Variants in SPIN1 observed in about 807,000 individuals in gnomAD.
SPIN1 encodes the protein spindlin 1.
Under a neutral mutation model 26.0 loss-of-function variants are expected in SPIN1, and 3 were observed. That is an observed-to-expected ratio of 0.12 (90% CI 0.05 to 0.30). The LOEUF is 0.30. Ranked by LOEUF, SPIN1 falls within the 10% of genes least tolerant of loss-of-function variation. The probability of loss-of-function intolerance (pLI) is 1.00; values close to 1 mark genes in which losing one functional copy is unlikely to be tolerated. For synonymous variants in SPIN1, 101 were observed against 116.5 expected (o/e 0.87, Z 0.86); for missense variants, 126 against 333.4 (o/e 0.38, Z 4.84).
intron 2 of SPIN1, among the ~76,000 whole-genome samples, chr9:88,441,414 T>TGCGCGC (rs1554695424): frequency 1.4e-5 from 2 of 141,240 alleles, no homozygotes; most frequent in African/African-American, 2.9e-5. Flanking sequence ...TGTGTGTGTG[T>TGCGCGC]GCGCGCGCGC....
intron 1 of SPIN1, among the ~76,000 whole-genome samples, chr9:88,422,386 A>G (rs1827687369): frequency 6.6e-6 from 1 of 152,248 alleles, no homozygotes. Flanking sequence ...CTTAAGGTGA[A>G]GATGGTATAT....
At chr9:88,455,536 G>A (rs1828453667) in intron 3 of SPIN1, among the ~76,000 whole-genome samples, 1 of 152,192 alleles carries the variant, frequency 6.6e-6, no homozygotes, top group Non-Finnish European at 1.5e-5. Context: ...TAGGTAAACA[G>A]AGAAAGAAAA....
intron 4 of SPIN1, among the ~76,000 whole-genome samples, chr9:88,463,636 A>C (rs543590956): frequency 1.3e-5 from 2 of 152,328 alleles, no homozygotes; most frequent in South Asian, 2.1e-4. Flanking sequence ...TTAGGAAGTT[A>C]ATTCTGCCTT....
chr9:88,473,191 G>A (rs554060647), intron 5 of SPIN1, among the ~76,000 whole-genome samples: 16 of 151,112 alleles, frequency 1.1e-4, no homozygotes, highest in African/African-American at 3.0e-4. Flanking sequence ...TCAGGAGTTC[G>A]AGGTCAGCCT....
At chr9:88,468,886 C>T (rs1828722231) in intron 5 of SPIN1, among the ~76,000 whole-genome samples, 1 of 152,090 alleles carries the variant, frequency 6.6e-6, no homozygotes, top group Non-Finnish European at 1.5e-5. Context: ...TATTTAAAAA[C>T]ATGATGGAAT....
At chr9:88,450,338 T>C (rs994400832) in intron 3 of SPIN1, among the ~76,000 whole-genome samples, 1 of 152,216 alleles carries the variant, frequency 6.6e-6, no homozygotes, top group African/African-American at 2.4e-5. Flanking sequence ...GAACAGTTCA[T>C]TCAAAATAGA....
chr9:88,441,228 G>A (rs1828117095), intron 2 of SPIN1, among the ~76,000 whole-genome samples: 1 of 151,674 alleles, frequency 6.6e-6, no homozygotes, highest in South Asian at 2.1e-4. Context: ...TATATGGGAC[G>A]GGATGTGCCT....
chr9:88,473,388 C>G lies in SPIN1; in HGVS notation c.590-1690C>G, dbSNP rs150606930. ...AGCCTGGGCGAGAAGAGCAAGACTC[C>G]GTCTCAAAAAGAAAAAAAAAATTGT... is the stretch of plus-strand genomic sequence containing the variant. On this transcript the variant is annotated intron_variant, in intron 5 of 5. Transcript: ENST00000375859. Among the ~76,000 whole-genome samples, 49 of 142,444 alleles carry G rather than the reference C, an allele frequency of 3.4e-4. No individual in the cohort carries two copies. The East Asian group carries it at 6.2e-3, about 18-fold the overall frequency. The allele number at this position is 142,444 out of a possible 152,430, so 93.4% of individuals were successfully genotyped here.
rs1296483171 is a variant in SPIN1, at chr9:88,475,635, T to TTTC, written c.*359_*361dup. On this transcript the variant is annotated 3_prime_UTR_variant, in exon 6 of 6. Coordinates refer to ENST00000375859, the MANE Select transcript of SPIN1 (RefSeq NM_006717.3). ...CCACAATGCAAGCATAGTTTGATGT[T>TTTC]TTCGTTATTGCCTTTTTTGAGATGT... is the stretch of plus-strand genomic sequence containing the variant. 1.5e-5 allele frequency: 3 copies of TTTC among 201,280 alleles called. No homozygotes were observed. The highest frequency in any genetic ancestry group is 7.0e-5 in the African/African-American group (3 of 42,890). The allele number at this position is 201,280 out of a possible 1,614,324, so 12.5% of individuals were successfully genotyped here.
In SPIN1 at chr9:88,431,337, C is replaced by T. The variant is rs1827866029; in HGVS notation, c.52+4746C>T. 2.0e-5 allele frequency among the ~76,000 whole-genome samples: 3 copies of T among 149,908 alleles called. No homozygotes were observed. The Admixed American group carries it at 2.0e-4, about 10-fold the overall frequency. ...GTCTCAAGAGCTCTGTCGGCCTGGG[C>T]TGGAATGCAGTGGCATGATCTCGGC... is the stretch of plus-strand genomic sequence containing the variant. On this transcript the variant is annotated intron_variant, in intron 2 of 5. Coordinates refer to ENST00000375859, the MANE Select transcript of SPIN1 (RefSeq NM_006717.3).
At chr9:88,449,058 C>G in intron 3 of SPIN1, 69 bp downstream of exon 3, 1 of 1,486,048 alleles carries the variant, frequency 6.7e-7, no homozygotes, top group Non-Finnish European at 9.4e-7. Context: ...ACAAGATCAC[C>G]TAGGTAAGGC....
At chr9:88,462,793 A>G (rs1828596851) in intron 4 of SPIN1, 44 bp downstream of exon 4, 2 of 1,530,992 alleles carry the variant, frequency 1.3e-6, no homozygotes, top group South Asian at 2.6e-5. Flanking sequence ...TTTAAAAATG[A>G]TATTGAACTG....
chr9:88,459,449 G>GTT (rs1030777157), intron 3 of SPIN1, among the ~76,000 whole-genome samples: 64 of 152,076 alleles, frequency 4.2e-4, no homozygotes, highest in African/African-American at 1.4e-3. Context: ...TTATTTTTAT[G>GTT]TTATATATAT....
At chr9:88,433,416 A>C (rs2118054454) in intron 2 of SPIN1, among the ~76,000 whole-genome samples, 1 of 152,062 alleles carries the variant, frequency 6.6e-6, no homozygotes, top group Non-Finnish European at 1.5e-5. Context: ...TTCTAGTGTT[A>C]GCCTTGTTGC....
At chr9:88,446,418 T>G (rs1828252216) in intron 2 of SPIN1, among the ~76,000 whole-genome samples, 1 of 151,674 alleles carries the variant, frequency 6.6e-6, no homozygotes, top group Non-Finnish European at 1.5e-5. Flanking sequence ...GTTTTTTTTT[T>G]TTTTTTTGAC....
chr9:88,456,868 C>G (rs902892175), intron 3 of SPIN1, among the ~76,000 whole-genome samples: 1 of 151,934 alleles, frequency 6.6e-6, no homozygotes, highest in African/African-American at 2.4e-5. Context: ...CTAGAAGAAT[C>G]AGGAAAAAAT....
chr9:88,440,438 C>T lies in SPIN1; in HGVS notation c.53-8503C>T, dbSNP rs145751088. On this transcript the variant is annotated intron_variant, in intron 2 of 5. Transcript: ENST00000375859. ...TCTCCCAAAGTGCTGGGATTACGGG[C>T]GTGAGCCCCGTGCCCAGCCAGTTAA... Among the ~76,000 whole-genome samples, 1,119 of 152,322 alleles carry T rather than the reference C, an allele frequency of 7.3e-3. 11 individuals are homozygous for T. Among genetic ancestry groups the T allele is most frequent in the African/African-American group, 0.025 (1,046 of 41,564 alleles).
chr9:88,404,871 G>A lies in SPIN1; in HGVS notation c.-159+16333G>A, dbSNP rs555059535. Among the ~76,000 whole-genome samples, 54 of 150,262 alleles carry A rather than the reference G, an allele frequency of 3.6e-4. 1 individual carries two copies. The highest frequency in any genetic ancestry group is 1.2e-3 in the African/African-American group (51 of 41,148). Reference sequence around the variant, plus strand: ...GCAGAGGTTGCAGTGAGCCGAGATCGTGCCATTGCACTCCAGCCTGGGGGC... The same window carrying A: ...GCAGAGGTTGCAGTGAGCCGAGATCATGCCATTGCACTCCAGCCTGGGGGC... On this transcript the variant is annotated intron_variant, in intron 1 of 5. Transcript: ENST00000375859.
intron 3 of SPIN1, among the ~76,000 whole-genome samples, chr9:88,461,730 G>T (rs1326134542): frequency 6.6e-6 from 1 of 152,112 alleles, no homozygotes; most frequent in Non-Finnish European, 1.5e-5. Flanking sequence ...AAGAAGCCAG[G>T]GTTTTAAGGT....
Sources: gnomAD v4.1 joint callset for allele counts (sites outside exome capture counted in the v4.1 genomes callset) on GRCh38, gnomAD v4.1.1 for gene constraint, MANE v1.5 for transcripts, NCBI Gene and HGNC (gene_info 2026-07-23, HGNC 2026-07-21) for gene names.